GALNT2: variants seen among roughly 807,000 people sequenced by gnomAD.
GALNT2 encodes the protein UDP-GalNAc:polypeptide N-acetylgalactosaminyltransferase 2.
Under a neutral mutation model 81.4 loss-of-function variants are expected in GALNT2, and 31 were observed. The ratio of observed to expected loss-of-function variants is 0.38; its 90% CI spans 0.29 to 0.51. GALNT2 has a LOEUF of 0.51. GALNT2 is among the 20% of genes least tolerant of loss of function. The probability of loss-of-function intolerance (pLI) is 0.87; values close to 1 mark genes in which losing one functional copy is unlikely to be tolerated. For missense variants in GALNT2, 629 were observed against 765.7 expected (o/e 0.82, Z 2.11); for synonymous variants, 303 against 287.4 (o/e 1.05, Z -0.55).
chr1:230,067,959 G>A (rs1354043171), intron 1 of GALNT2, among the ~76,000 whole-genome samples: 1 of 152,116 alleles, frequency 6.6e-6, no homozygotes, highest in African/African-American at 2.4e-5. Context: ...GGCCGCTCCC[G>A]TGCCAAGTAA....
chr1:230,170,591 G>A (rs369714795), intron 1 of GALNT2, among the ~76,000 whole-genome samples: 86 of 152,294 alleles, frequency 5.6e-4, no homozygotes, highest in African/African-American at 2.0e-3. Flanking sequence ...TGCTATAAAG[G>A]AATACCTGAG....
intron 1 of GALNT2, among the ~76,000 whole-genome samples, chr1:230,125,063 T>G (rs1406929): frequency 0.27 from 41,559 of 152,186 alleles, 5,988 homozygotes; most frequent in East Asian, 0.4. Flanking sequence ...AAGAGTCCAT[T>G]TGACGTGTAA....
chr1:230,214,753 C>A (rs1475709599), intron 3 of GALNT2, among the ~76,000 whole-genome samples: 4 of 152,180 alleles, frequency 2.6e-5, no homozygotes, highest in Non-Finnish European at 4.4e-5. Context: ...ACCCTAATTT[C>A]ATCTTTGTTA....
chr1:230,206,517 G>A (rs6675496), intron 3 of GALNT2, among the ~76,000 whole-genome samples: 4 of 152,072 alleles, frequency 2.6e-5, no homozygotes, highest in Non-Finnish European at 5.9e-5. Flanking sequence ...GTCTCAAAGT[G>A]TAAGCTCTAG....
chr1:230,174,155 C>G (rs1662883269), intron 1 of GALNT2, among the ~76,000 whole-genome samples: 1 of 152,216 alleles, frequency 6.6e-6, no homozygotes, highest in South Asian at 2.1e-4. Context: ...TGAGCCCAGC[C>G]TCCTAATCTT....
At chr1:230,211,397 T>G (rs1664231424) in intron 3 of GALNT2, among the ~76,000 whole-genome samples, 1 of 152,234 alleles carries the variant, frequency 6.6e-6, no homozygotes, top group Non-Finnish European at 1.5e-5. Context: ...TTGGGTGTGG[T>G]GTAACAGTGA....
At chr1:230,150,649 A>G (rs1229486185) in intron 1 of GALNT2, among the ~76,000 whole-genome samples, 1 of 152,242 alleles carries the variant, frequency 6.6e-6, no homozygotes, top group African/African-American at 2.4e-5. Context: ...AGCTCTACTT[A>G]TAATTCTGTC....
chr1:230,207,096 G>A (rs562077201), intron 3 of GALNT2, among the ~76,000 whole-genome samples: 8 of 151,954 alleles, frequency 5.3e-5, no homozygotes, highest in African/African-American at 1.9e-4. Context: ...TGTATCCAGG[G>A]TTGTTATTCA....
chr1:230,061,845 T>C (rs1466069471), intron 1 of GALNT2, among the ~76,000 whole-genome samples: 2 of 152,208 alleles, frequency 1.3e-5, no homozygotes, highest in Admixed American at 1.3e-4. Context: ...ATGGAGTGCT[T>C]TCCAGTGAAA....
intron 1 of GALNT2, among the ~76,000 whole-genome samples, chr1:230,124,118 G>T (rs1661103010): frequency 6.6e-6 from 1 of 152,162 alleles, no homozygotes; most frequent in Non-Finnish European, 1.5e-5. Flanking sequence ...ACTTTAAAAA[G>T]AAGTAAAGAC....
intron 1 of GALNT2, among the ~76,000 whole-genome samples, chr1:230,121,796 A>G (rs1661023002): frequency 6.6e-6 from 1 of 152,166 alleles, no homozygotes; most frequent in Non-Finnish European, 1.5e-5. Context: ...AAAAGGGGAC[A>G]TTGGGACATT....
intron 1 of GALNT2, among the ~76,000 whole-genome samples, chr1:230,091,130 A>G (rs1384556489): frequency 6.6e-6 from 1 of 151,634 alleles, no homozygotes; most frequent in Admixed American, 6.6e-5. Context: ...GTACAGTGGC[A>G]CGATCTCAGC....
chr1:230,178,781 G>A (rs681106), intron 2 of GALNT2, among the ~76,000 whole-genome samples: 76,317 of 151,536 alleles, frequency 0.5, 22,012 homozygotes, highest in African/African-American at 0.8. Flanking sequence ...ATCATCACCC[G>A]AAGTCTGTAG....
Position 230,265,254 on chromosome 1 carries a change from C to G in GALNT2, c.1327C>G (p.Gln443Glu). ...GTTGTTTTTCAGGGTTCCAGACCAT[C>G]AGGATATAGCTTTTGGGGCCTTGCA... ...VYPELRVPDH[Q>E]DIAFGALQQG... Residue 443 changes from glutamine to glutamate, a missense_variant, in exon 14 of 16, where the codon CAG (glutamine) becomes GAG (glutamate). Around this residue, in one of 3 missense-constraint regions of GALNT2, gnomAD observed 207 missense variants for 225.5 expected, o/e 0.92. Coordinates refer to ENST00000366672, the MANE Select transcript of GALNT2 (RefSeq NM_004481.5). The G allele has an allele frequency of 6.2e-7, 1 of 1,614,228 alleles. No homozygotes were observed. The highest frequency in any genetic ancestry group is 2.2e-5 in the East Asian group (1 of 44,880).
intron 1 of GALNT2, among the ~76,000 whole-genome samples, chr1:230,117,897 G>A (rs1173962567): frequency 6.6e-6 from 1 of 152,224 alleles, no homozygotes; most frequent in East Asian, 1.9e-4. Context: ...TCAGTGTGAA[G>A]TGCAGTGAAG....
intron 3 of GALNT2, among the ~76,000 whole-genome samples, chr1:230,209,823 C>CA (rs11302394): frequency 0.027 from 3,593 of 135,006 alleles, 59 homozygotes; most frequent in Admixed American, 0.046. Flanking sequence ...GACCTTGTCT[C>CA]AAAAAAAAAA....
chr1:230,146,464 C>T (rs1221195697), intron 1 of GALNT2, among the ~76,000 whole-genome samples: 1 of 151,848 alleles, frequency 6.6e-6, no homozygotes, highest in Non-Finnish European at 1.5e-5. Context: ...AGGCCACTGC[C>T]TGCCTCCCTT....
At chr1:230,098,616 A>C (rs149438507) in intron 1 of GALNT2, among the ~76,000 whole-genome samples, 1 of 151,994 alleles carries the variant, frequency 6.6e-6, no homozygotes, top group East Asian at 1.9e-4. Flanking sequence ...CAGGGCTTCT[A>C]TGCCATAGCG....
intron 1 of GALNT2, among the ~76,000 whole-genome samples, chr1:230,099,753 C>G (rs1460785770): frequency 6.6e-6 from 1 of 152,238 alleles, no homozygotes; most frequent in African/African-American, 2.4e-5. Context: ...AGTGGCTCAT[C>G]TGTCTCTGCA....
Sources: gnomAD v4.1 joint callset for allele counts (sites outside exome capture counted in the v4.1 genomes callset) on GRCh38, gnomAD v4.1.1 for gene constraint, gnomAD v4.1.1 regional missense constraint, MANE v1.5 for transcripts, NCBI Gene and HGNC (gene_info 2026-07-23, HGNC 2026-07-21) for gene names.